The following MORN1 variants were observed in gnomAD, a reference collection of about 807,000 sequenced individuals.
MORN1 encodes MORN repeat containing 1, also known as MORN repeat-containing protein 1.
A neutral mutation model predicts 61.9 loss-of-function variants in MORN1; 67 were observed. That is an observed-to-expected ratio of 1.08 (90% CI 0.89 to 1.33). The LOEUF is 1.33. Among genes scored for constraint, MORN1 ranks in the 40% most tolerant of loss-of-function variants. MORN1 has a pLI of 0.00. For synonymous variants in MORN1, 301 were observed against 292.0 expected (o/e 1.03, Z -0.31); for missense variants, 752 against 691.2 (o/e 1.09, Z -0.99).
intron 7 of MORN1, among the ~76,000 whole-genome samples, chr1:2,373,794 T>G (rs747899954): frequency 2.0e-5 from 3 of 152,136 alleles, no homozygotes; most frequent in Admixed American, 6.5e-5. Flanking sequence ...AGGGCAGCAG[T>G]TACTGTCACC....
Position 2,362,892 on chromosome 1 carries a change from T to C in MORN1, c.746-4177A>G, listed in dbSNP as rs963287046. On this transcript the variant is annotated intron_variant, in intron 8 of 13. Coordinates refer to ENST00000378531, the MANE Select transcript of MORN1 (RefSeq NM_024848.3). ...AAAAAAAGAAACTAAAATCAAGATG[T>C]TTCCAGACATACAAAAGCGGAAAGA... 2.7e-4 allele frequency among the ~76,000 whole-genome samples: 41 copies of C among 151,688 alleles called. 1 individual carries two copies. The highest frequency in any genetic ancestry group is 2.7e-3 in the Admixed American group (41 of 15,244).
chr1:2,352,075 C>T (rs910410146), intron 10 of MORN1: 8 of 520,782 alleles, frequency 1.5e-5, no homozygotes, highest in African/African-American at 1.2e-4. Flanking sequence ...GTTGATCCAT[C>T]TCAGTCACTT....
At chr1:2,336,969 C>T (rs1169771603) in intron 10 of MORN1, 119 bp from the exon 11 acceptor site, 22 of 1,179,614 alleles carry the variant, frequency 1.9e-5, no homozygotes, top group South Asian at 8.2e-5. Context: ...ACGCCAGTCG[C>T]GATGCCATCT....
At chr1:2,342,871 AT>A (rs1319956822) in intron 10 of MORN1, among the ~76,000 whole-genome samples, 1 of 66,748 alleles carries the variant, frequency 1.5e-5, no homozygotes, top group Non-Finnish European at 3.6e-5. Context: ...TATTTTATTT[AT>A]TTTATTTTAT....
intron 8 of MORN1, among the ~76,000 whole-genome samples, chr1:2,360,619 AGAGGACCCTGAGTAGAGG>A (rs761789555): frequency 2.2e-4 from 34 of 152,254 alleles, no homozygotes; most frequent in East Asian, 7.7e-4. Context: ...AAGAGGAGAG[AGAGGACCCTGAGTAGAGG>A]GAGGACCCTG....
chr1:2,380,286 T>C (rs1435690091), intron 6 of MORN1, among the ~76,000 whole-genome samples: 1 of 151,710 alleles, frequency 6.6e-6, no homozygotes, highest in Non-Finnish European at 1.5e-5. Flanking sequence ...GTTCTGGAGG[T>C]GGATGTGGTT....
chr1:2,351,986 T>C, intron 10 of MORN1: 1 of 515,872 alleles, frequency 1.9e-6, no homozygotes, highest in Non-Finnish European at 3.7e-6. Flanking sequence ...GCATGCCCCC[T>C]CCAGGAATGA....
intron 10 of MORN1, among the ~76,000 whole-genome samples, chr1:2,344,478 T>C (rs1641466018): frequency 6.6e-6 from 1 of 152,022 alleles, no homozygotes; most frequent in African/African-American, 2.4e-5. Context: ...GGGGACGGGG[T>C]GTGGGGTGCA....
intron 12 of MORN1, among the ~76,000 whole-genome samples, chr1:2,331,903 G>GC (rs1557868504): frequency 1.2e-5 from 1 of 84,578 alleles, no homozygotes. Context: ...CCTCTCCCTC[G>GC]TGCGCCTCTC....
At chr1:2,324,341 C>G (rs1052850606) in intron 12 of MORN1, among the ~76,000 whole-genome samples, 198 bp from the exon 13 acceptor site, 15 of 152,194 alleles carry the variant, frequency 9.9e-5, no homozygotes, top group Admixed American at 1.3e-4. Context: ...CTCTGCACCT[C>G]GGAACCGTGG....
At chr1:2,329,662 A>G (rs557434090) in intron 12 of MORN1, among the ~76,000 whole-genome samples, 12 of 152,248 alleles carry the variant, frequency 7.9e-5, no homozygotes, top group Admixed American at 7.8e-4. Flanking sequence ...AGCAGGTGGC[A>G]AGGCCCAGAG....
At chr1:2,323,583 G>C (rs1203572936) in intron 13 of MORN1, 2 of 985,192 alleles carry the variant, frequency 2.0e-6, no homozygotes, top group South Asian at 9.4e-5. Context: ...GACTGGAGGA[G>C]GCCCCACGGC....
At chr1:2,384,455 C>A (rs1642441614) in intron 6 of MORN1, among the ~76,000 whole-genome samples, 1 of 152,228 alleles carries the variant, frequency 6.6e-6, no homozygotes, top group African/African-American at 2.4e-5. Flanking sequence ...CTATTTTGAG[C>A]AGATTATTTT....
rs1386331048 is a variant in MORN1 at position 2,384,981 on chromosome 1, G to C, written c.534C>G (p.Tyr178Ter). The C allele has an allele frequency of 6.3e-7, 1 of 1,576,792 alleles. No homozygotes were observed. The highest frequency in any genetic ancestry group is 8.6e-7 in the Non-Finnish European group (1 of 1,162,074). Residue 178 changes from tyrosine to a stop codon, truncating the protein, a stop_gained, in exon 6 of 14, where the codon TAC (tyrosine) becomes TAG (stop). Transcript: ENST00000378531. LOFTEE classifies it high-confidence loss of function. ...GGTGCCGCGCGCCCCCGGGTACCTTGTAGGTGGAGCCGTCGGCGCAGCGCA... is the reference window on the plus strand; with the variant it reads ...GGTGCCGCGCGCCCCCGGGTACCTTCTAGGTGGAGCCGTCGGCGCAGCGCA... Reference protein sequence around the residue: ...GVLRCADGSTYKGQWHSDVFS... With the variant: ...GVLRCADGST
intron 6 of MORN1, among the ~76,000 whole-genome samples, chr1:2,382,395 G>A (rs1422080126): frequency 1.3e-5 from 2 of 152,194 alleles, no homozygotes; most frequent in East Asian, 3.8e-4. Context: ...GGGATCATGA[G>A]CCAATGCACC....
chr1:2,348,489 C>T (rs1641562834), intron 10 of MORN1, among the ~76,000 whole-genome samples: 1 of 152,228 alleles, frequency 6.6e-6, no homozygotes, highest in Non-Finnish European at 1.5e-5. Flanking sequence ...CTCCAGGGAA[C>T]CCCGGTTCTT....
intron 8 of MORN1, chr1:2,371,881 C>G: frequency 6.0e-6 from 1 of 167,200 alleles, no homozygotes; most frequent in Non-Finnish European, 1.3e-5. Flanking sequence ...GCACTCCAGC[C>G]TGGACAGCAA....
intron 8 of MORN1, among the ~76,000 whole-genome samples, chr1:2,367,801 T>C (rs568468112): frequency 6.6e-6 from 1 of 152,158 alleles, no homozygotes; most frequent in Non-Finnish European, 1.5e-5. Context: ...CTAGTTTTCG[T>C]ATTTTTTAGT....
At position 2,321,464 on chromosome 1, in the gene MORN1, A is replaced by G. The variant is rs1244443065; in HGVS notation, c.1413T>C (p.His471=). The change falls in exon 14 of 14, where the codon CAT becomes CAC. Residue 471 remains histidine, a synonymous_variant. Coordinates refer to ENST00000378531, the MANE Select transcript of MORN1 (RefSeq NM_024848.3). ...AGGCTTCAGGGCCTTCTTCCAGGACATGGGGTGGCTGGCCAGCCCTCTTCG... is the reference window on the plus strand; with the variant it reads ...AGGCTTCAGGGCCTTCTTCCAGGACGTGGGGTGGCTGGCCAGCCCTCTTCG... ...VVAKRAGQPP[H]VLEEGPEASS... The G allele has an allele frequency of 6.5e-7, 1 of 1,538,254 alleles. No individual in the cohort carries two copies. The highest frequency in any genetic ancestry group is 8.8e-7 in the Non-Finnish European group (1 of 1,141,124).
Sources: gnomAD v4.1 joint callset for allele counts (sites outside exome capture counted in the v4.1 genomes callset) on GRCh38, gnomAD v4.1.1 for gene constraint, MANE v1.5 for transcripts, NCBI Gene and HGNC (gene_info 2026-07-23, HGNC 2026-07-21) for gene names.